Variants in TSHZ3 observed in about 807,000 individuals in gnomAD.
The protein encoded by TSHZ3 is teashirt zinc finger homeobox 3, also known as teashirt homolog 3.
Under a neutral mutation model 64.5 loss-of-function variants are expected in TSHZ3, and 10 were observed. The observed-to-expected ratio is 0.16, with a 90% CI of 0.10 to 0.26. The LOEUF (loss-of-function observed/expected upper bound fraction) is 0.26. TSHZ3 is among the 10% of genes least tolerant of loss of function. The probability of loss-of-function intolerance (pLI) is 1.00; values close to 1 mark genes in which losing one functional copy is unlikely to be tolerated. For missense variants in TSHZ3, 1,242 were observed against 1,421.7 expected (o/e 0.87, Z 2.03); for synonymous variants, 608 against 593.1 (o/e 1.03, Z -0.36).
chr19:31,169,116 A>G (rs945487479), intron 5 of TSHZ3, among the ~76,000 whole-genome samples: 2 of 150,098 alleles, frequency 1.3e-5, no homozygotes, highest in African/African-American at 2.4e-5. Context: ...GCAGACATTG[A>G]AAAAAAAAAG....
At chr19:31,346,947 T>C (rs1372395045) in intron 1 of TSHZ3, among the ~76,000 whole-genome samples, 1 of 150,988 alleles carries the variant, frequency 6.6e-6, no homozygotes, top group Non-Finnish European at 1.5e-5. Flanking sequence ...ATAAAGTAAA[T>C]CCAAAACCCG....
intron 1 of TSHZ3, among the ~76,000 whole-genome samples, chr19:31,330,718 G>GA (rs1407793764): frequency 6.7e-6 from 1 of 148,528 alleles, no homozygotes; most frequent in Admixed American, 6.7e-5. Context: ...GCGGGGGGAG[G>GA]AAAGTCCAGA....
intron 5 of TSHZ3, among the ~76,000 whole-genome samples, chr19:31,196,248 G>T (rs1411677078): frequency 6.6e-6 from 1 of 151,920 alleles, no homozygotes; most frequent in Non-Finnish European, 1.5e-5. Flanking sequence ...TTATTTAAAA[G>T]TGGACTTGGA....
chr19:31,318,175 CTT>C (rs1382823174), intron 1 of TSHZ3, among the ~76,000 whole-genome samples: 1 of 152,080 alleles, frequency 6.6e-6, no homozygotes, highest in Non-Finnish European at 1.5e-5. Context: ...TTCATTTTAT[CTT>C]TGTGTTATTG....
chr19:31,154,724 C>A (rs368689533), intron 6 of TSHZ3, among the ~76,000 whole-genome samples: 30 of 152,326 alleles, frequency 2.0e-4, no homozygotes, highest in Non-Finnish European at 3.7e-4. Flanking sequence ...GAGGTTCCAT[C>A]CCATCCTCCC....
chr19:31,222,610 C>T (rs182422754), intron 4 of TSHZ3, among the ~76,000 whole-genome samples: 1 of 152,330 alleles, frequency 6.6e-6, no homozygotes, highest in Admixed American at 6.5e-5. Flanking sequence ...ATGTTTCTCC[C>T]TCTGGACTGG....
rs76976850 is a variant in TSHZ3 at position 31,174,995 on chromosome 19, C to G, written n.810-18578G>C. The stretch of plus-strand genomic sequence containing the variant: ...TGACTCCTCTGACTTGGGTCCCACA[C>G]AGCAAATCAAAGCCCAAACAGGGCG... On this transcript the variant is annotated intron_variant and non_coding_transcript_variant, in intron 5 of 6. Coordinates refer to the TSHZ3 transcript ENST00000651361. Among the ~76,000 whole-genome samples, 421 of 152,340 alleles carry G rather than the reference C, an allele frequency of 2.8e-3. 2 individuals carry two copies. Among genetic ancestry groups the G allele is most frequent in the African/African-American group, 9.5e-3 (395 of 41,580 alleles).
upstream of TSHZ3, among the ~76,000 whole-genome samples, chr19:31,350,794 G>C (rs2021699217): frequency 6.8e-6 from 1 of 148,144 alleles, no homozygotes; most frequent in Non-Finnish European, 1.5e-5. Flanking sequence ...AGCGGGAGCC[G>C]GAGCCCGAGC....
In TSHZ3 at chr19:31,278,831, C is replaced by T. The variant is rs769727817; in HGVS notation, c.962G>A (p.Arg321Gln). ...CTCCAGCTCCAGGGAAGCTTTCTTC[C>T]GAGTGGCAGGGATGATTTTGGCGGC... ...PVAAKIIPAT[R>Q]KKASLELELP... Residue 321 changes from arginine to glutamine, a missense_variant, in exon 2 of 2, where the codon CGG becomes CAG. Arg to Gln is a conservative substitution (Grantham distance 43). Transcript: ENST00000240587. The surrounding 1 kb of genome is among the most constrained non-coding windows in gnomAD (Gnocchi z 4.7). 6 of 1,613,966 alleles carry T rather than the reference C, an allele frequency of 3.7e-6. No homozygotes were observed. The highest frequency in any genetic ancestry group is 2.2e-5 in the East Asian group (1 of 44,876).
At chr19:31,347,144 T>C (rs1599664082) in intron 1 of TSHZ3, among the ~76,000 whole-genome samples, 1 of 151,018 alleles carries the variant, frequency 6.6e-6, no homozygotes, top group African/African-American at 2.4e-5. Flanking sequence ...GTTTTTTATA[T>C]AATGAATTTT....
chr19:31,344,233 A>C (rs1917520302), intron 1 of TSHZ3, among the ~76,000 whole-genome samples: 1 of 152,190 alleles, frequency 6.6e-6, no homozygotes, highest in African/African-American at 2.4e-5. Context: ...GGTTTGGGAT[A>C]CTGGATACCA....
At chr19:31,189,810 A>T (rs776641333) in intron 5 of TSHZ3, among the ~76,000 whole-genome samples, 95 of 152,098 alleles carry the variant, frequency 6.2e-4, no homozygotes, top group Middle Eastern at 3.2e-3. Flanking sequence ...AAGTATTGGA[A>T]TCTCCAGCCA....
intron 5 of TSHZ3, among the ~76,000 whole-genome samples, chr19:31,172,274 G>T (rs1974546380): frequency 6.6e-6 from 1 of 152,160 alleles, no homozygotes; most frequent in South Asian, 2.1e-4. Context: ...GCCTCAATGT[G>T]CTCATCTGTA....
intron 1 of TSHZ3, among the ~76,000 whole-genome samples, chr19:31,315,165 G>A (rs1185098383): frequency 6.6e-6 from 1 of 152,236 alleles, no homozygotes; most frequent in Non-Finnish European, 1.5e-5. Context: ...AACAGATGCT[G>A]AAAGGCGCAT....
intron 1 of TSHZ3, among the ~76,000 whole-genome samples, chr19:31,313,061 T>C (rs1916504034): frequency 6.6e-6 from 1 of 152,192 alleles, no homozygotes; most frequent in Non-Finnish European, 1.5e-5. Context: ...GCATGTGGTA[T>C]GCAGAAACGT....
chr19:31,279,073 G>C lies in TSHZ3; in HGVS notation c.720C>G (p.Arg240=), dbSNP rs760381593. The change falls in exon 2 of 2, where the codon CGC becomes CGG. Residue 240 remains arginine (R), a synonymous_variant. Transcript: ENST00000240587. This position sits in a 1 kb window ranked among gnomAD's most constrained non-coding sequence, Gnocchi z 6.4. ...TGTTATCGGTCTCATGGTTGTCGTC[G>C]CGGTAATGCCCCGTCTCGTTCATGT... ...TVHMNETGHY[R]DDNHETDNNN... 2.5e-6 allele frequency: 4 copies of C among 1,614,040 alleles called. No individual in the cohort carries two copies. Among genetic ancestry groups the C allele is most frequent in the South Asian group, 1.1e-5 (1 of 91,072 alleles).
intron 5 of TSHZ3, among the ~76,000 whole-genome samples, chr19:31,184,576 T>G (rs1757045571): frequency 6.6e-6 from 1 of 151,492 alleles, no homozygotes; most frequent in Non-Finnish European, 1.5e-5. Flanking sequence ...AATGCATATA[T>G]TTTTACTTGT....
exon 7 of TSHZ3, among the ~76,000 whole-genome samples, chr19:31,150,073 G>A (rs952403158): frequency 1.3e-5 from 2 of 152,182 alleles, no homozygotes; most frequent in African/African-American, 2.4e-5. Flanking sequence ...CGCCGAGCAC[G>A]GTGGGAGGAC....
At position 31,277,647 on chromosome 19, in the gene TSHZ3, G is replaced by C; in HGVS notation, c.2146C>G (p.Gln716Glu). The change falls in exon 2 of 2, where the codon CAG becomes GAG. Residue 716 changes from glutamine to glutamate, a missense_variant. Transcript: ENST00000240587. The surrounding 1 kb of genome is among the most constrained non-coding windows in gnomAD (Gnocchi z 4.5). The part of the protein sequence containing the change: ...TAIITDHPPE[Q>E]PFVNPLSALQ... Reference sequence around the variant, plus strand: ...GCGCTCAAAGGGTTAACAAAAGGCTGTTCAGGCGGGTGGTCGGTGATGATG... The same window carrying C: ...GCGCTCAAAGGGTTAACAAAAGGCTCTTCAGGCGGGTGGTCGGTGATGATG... The C allele has an allele frequency of 6.5e-7, 1 of 1,541,130 alleles. No homozygotes were observed. Among genetic ancestry groups the C allele is most frequent in the Non-Finnish European group, 8.7e-7 (1 of 1,144,778 alleles).
Sources: allele counts gnomAD v4.1 joint callset (sites outside exome capture counted in the v4.1 genomes callset), GRCh38; gene constraint gnomAD v4.1.1; non-coding constraint Gnocchi (gnomAD v3.1); transcripts MANE v1.5; gene names NCBI Gene and HGNC (gene_info 2026-07-23, HGNC 2026-07-21).